The following SPG11 variants were observed in gnomAD, a reference collection of about 807,000 sequenced individuals.
SPG11 encodes spatacsin.
SPG11 carries 222 observed loss-of-function variants against 274.0 expected under a neutral mutation model. That is an observed-to-expected ratio of 0.81 (90% CI 0.73 to 0.91). The LOEUF is 0.91. Ranked by LOEUF, SPG11 falls within the 40% of genes least tolerant of loss-of-function variation. The pLI is 0.00. For missense variants in SPG11, 3,114 were observed against 2,872.7 expected (o/e 1.08, Z -1.92); for synonymous variants, 1,144 against 1,039.7 (o/e 1.10, Z -1.93).
At chr15:44,633,915 T>C (rs1036084580) in intron 7 of SPG11, among the ~76,000 whole-genome samples, 7 of 152,128 alleles carry the variant, frequency 4.6e-5, no homozygotes, top group Admixed American at 3.9e-4. Context: ...CTTAGCTCAA[T>C]GCAACCTTTA....
At chr15:44,648,281 C>A (rs1478315483) in intron 7 of SPG11, among the ~76,000 whole-genome samples, 1 of 152,038 alleles carries the variant, frequency 6.6e-6, no homozygotes, top group Non-Finnish European at 1.5e-5. Context: ...TAGGACACAG[C>A]GGGTGAATCA....
At chr15:44,656,397 G>C (rs2084940918) in intron 4 of SPG11, among the ~76,000 whole-genome samples, 1 of 152,246 alleles carries the variant, frequency 6.6e-6, no homozygotes, top group African/African-American at 2.4e-5. Flanking sequence ...GCAGGAGCAA[G>C]AGTTTAGAGT....
At chr15:44,621,335 T>A (rs888545327) in intron 14 of SPG11, 10 of 155,698 alleles carry the variant, frequency 6.4e-5, no homozygotes, top group Admixed American at 6.4e-4. Flanking sequence ...AAAAATAAAT[T>A]AAAAATAATA....
chr15:44,573,968 T>C, intron 31 of SPG11: 1 of 596,782 alleles, frequency 1.7e-6, no homozygotes, highest in Non-Finnish European at 3.0e-6. Flanking sequence ...TCAGAAAGCA[T>C]CAGGTTATTC....
chr15:44,578,029 T>C (rs866764828), intron 30 of SPG11, among the ~76,000 whole-genome samples: 5 of 144,468 alleles, frequency 3.5e-5, no homozygotes, highest in African/African-American at 1.3e-4. Context: ...CTTTTTTTTT[T>C]TTTTTTTTTT....
In SPG11 at chr15:44,607,654, A is replaced by C. The variant is rs550768751; in HGVS notation, c.3453+790T>G. On this transcript the variant is annotated intron_variant, in intron 19 of 39. Coordinates refer to ENST00000261866, the MANE Select transcript of SPG11 (RefSeq NM_025137.4). ...GGGAAAAAAGGAAAAGCCTTTTGAA[A>C]TGAGAAATGGGCAAAGGAAGGTGTT... Among the ~76,000 whole-genome samples, 534 of 152,364 alleles carry C rather than the reference A, an allele frequency of 3.5e-3. 1 individual carries two copies. The highest frequency in any genetic ancestry group is 6.0e-3 in the Non-Finnish European group (405 of 68,032).
chr15:44,624,345 G>C (rs1465430086), intron 11 of SPG11, among the ~76,000 whole-genome samples: 1 of 151,688 alleles, frequency 6.6e-6, no homozygotes, highest in African/African-American at 2.4e-5. Flanking sequence ...AAAAAAAAGA[G>C]AGAGAGAGAG....
chr15:44,615,500 A>G lies in SPG11; in HGVS notation c.2901T>C (p.Ile967=), dbSNP rs773791691. 6.2e-7 allele frequency: 1 copy of G among 1,614,126 alleles called. No individual in the cohort carries two copies. The highest frequency in any genetic ancestry group is 8.5e-7 in the Non-Finnish European group (1 of 1,180,010). ...FECFLLRLSR[I]GGVIQDTLPV... is the part of the protein sequence containing the mutation. Reference sequence around the variant, plus strand: ...GGAGGGTATCCTGTATTACACCTCCAATACGGCTCAGTCTTAGGAGGAAGC... The same window carrying G: ...GGAGGGTATCCTGTATTACACCTCCGATACGGCTCAGTCTTAGGAGGAAGC... Residue 967 remains isoleucine (I), a synonymous_variant, in exon 16 of 40, where the codon ATT becomes ATC. Transcript: ENST00000261866.
At chr15:44,656,686 T>C (rs1466907790) in intron 4 of SPG11, among the ~76,000 whole-genome samples, 1 of 152,134 alleles carries the variant, frequency 6.6e-6, no homozygotes, top group Non-Finnish European at 1.5e-5. Context: ...TAAGGTAAAC[T>C]GGAAGAAAAA....
At chr15:44,639,522 G>C (rs1032397136) in intron 7 of SPG11, among the ~76,000 whole-genome samples, 11 of 152,054 alleles carry the variant, frequency 7.2e-5, no homozygotes, top group African/African-American at 2.7e-4. Context: ...GGGGCACATG[G>C]CAAAACCCTG....
chr15:44,650,343 ACCT>A (rs1359058159), intron 6 of SPG11, among the ~76,000 whole-genome samples: 3 of 152,216 alleles, frequency 2.0e-5, no homozygotes, highest in Non-Finnish European at 4.4e-5. Context: ...AGGTAGTGAG[ACCT>A]CATCTCTATT....
In SPG11 at chr15:44,622,326, T is replaced by C. The variant is rs765470222; in HGVS notation, c.2338A>G (p.Asn780Asp). The change falls in exon 13 of 40, where the codon AAT becomes GAT. Residue 780 changes from asparagine (N) to aspartate (D), a missense_variant. Transcript: ENST00000261866. ...DFLVEILKEK[N>D]YFSEKEKRTI... ...CTTTTCTCTTTTTCAGAAAAATAATTTTTTTCTTTTAAAATTTCAACCTTG... is the reference window on the plus strand; with the variant it reads ...CTTTTCTCTTTTTCAGAAAAATAATCTTTTTCTTTTAAAATTTCAACCTTG... 22 of 1,560,170 alleles carry C rather than the reference T, an allele frequency of 1.4e-5. 1 individual carries two copies. In the South Asian group the frequency reaches 2.4e-4, roughly 17 times the overall value.
At chr15:44,622,545 A>G in intron 12 of SPG11, 183 bp downstream of exon 12, 1 of 745,482 alleles carries the variant, frequency 1.3e-6, no homozygotes, top group South Asian at 1.8e-5. Flanking sequence ...TTTGCCACAA[A>G]TGTAAAATAG....
intron 10 of SPG11, among the ~76,000 whole-genome samples, chr15:44,627,066 G>C (rs2083921488): frequency 6.6e-6 from 1 of 152,138 alleles, no homozygotes; most frequent in South Asian, 2.1e-4. Context: ...ATCATCATGA[G>C]CCTTGCGTTT....
chr15:44,569,544 G>A, intron 34 of SPG11, 39 bp from the exon 35 acceptor site: 1 of 1,465,808 alleles, frequency 6.8e-7, no homozygotes, highest in Admixed American at 2.0e-5. Flanking sequence ...GCATCACCTG[G>A]AGTCTGGAGT....
intron 7 of SPG11, among the ~76,000 whole-genome samples, chr15:44,638,379 G>A (rs2084339387): frequency 6.6e-6 from 1 of 152,060 alleles, no homozygotes; most frequent in African/African-American, 2.4e-5. Context: ...AGAATCGCTT[G>A]AACACAGGAG....
intron 20 of SPG11, among the ~76,000 whole-genome samples, chr15:44,604,481 T>C (rs540178689): frequency 5.9e-5 from 9 of 152,316 alleles, no homozygotes; most frequent in Admixed American, 1.3e-4. Context: ...GTGTGGAGAC[T>C]GCGTATAAGA....
intron 7 of SPG11, among the ~76,000 whole-genome samples, chr15:44,640,059 A>T (rs2084395375): frequency 6.6e-6 from 1 of 151,988 alleles, no homozygotes; most frequent in African/African-American, 2.4e-5. Context: ...AAATACAAAA[A>T]ATTAGCCAGG....
At chr15:44,599,806 T>C (rs189127489) in intron 21 of SPG11, among the ~76,000 whole-genome samples, 171 of 152,354 alleles carry the variant, frequency 1.1e-3, no homozygotes, top group Non-Finnish European at 1.6e-3. Flanking sequence ...TAAAAATGAA[T>C]AATTGAATTA....
Sources: gnomAD v4.1 joint callset for allele counts (sites outside exome capture counted in the v4.1 genomes callset) on GRCh38, gnomAD v4.1.1 for gene constraint, MANE v1.5 for transcripts, NCBI Gene and HGNC (gene_info 2026-07-23, HGNC 2026-07-21) for gene names.